Variants in SCHIP1 observed in about 807,000 individuals in gnomAD.
SCHIP1 encodes the protein schwannomin interacting protein 1.
A neutral mutation model predicts 29.7 loss-of-function variants in SCHIP1; 8 were observed. The observed-to-expected ratio is 0.27, with a 90% CI of 0.16 to 0.49. The LOEUF is 0.49. Ranked by LOEUF, SCHIP1 falls within the 20% of genes least tolerant of loss-of-function variation. The pLI is 0.99. For synonymous variants in SCHIP1, 76 were observed against 94.9 expected (o/e 0.80, Z 1.16); for missense variants, 193 against 294.6 (o/e 0.66, Z 2.52).
chr3:159,693,754 A>G, the SCHIP1 span, among the ~76,000 whole-genome samples: 162 of 152,350 alleles, frequency 1.1e-3, no homozygotes, highest in Middle Eastern at 3.4e-3. Flanking sequence ...GGACTTAAGT[A>G]TGTAGAAAAA....
the SCHIP1 span, among the ~76,000 whole-genome samples, chr3:159,686,965 T>C: frequency 1.3e-5 from 2 of 152,192 alleles, no homozygotes; most frequent in Non-Finnish European, 2.9e-5. Context: ...AGGCATTTAT[T>C]GGCCTCTTTC....
At chr3:159,787,730 C>G in the SCHIP1 span, among the ~76,000 whole-genome samples, 2 of 152,102 alleles carry the variant, frequency 1.3e-5, no homozygotes, top group African/African-American at 2.4e-5. Context: ...TTTTCCTTCT[C>G]TAAGGGAAGG....
chr3:159,892,264 A>T (rs1185874271), intron 6 of SCHIP1, 74 bp downstream of exon 7: 2 of 1,551,392 alleles, frequency 1.3e-6, no homozygotes, highest in Non-Finnish European at 8.8e-7. Flanking sequence ...GGCAAAAACT[A>T]GCTCAAGAGA....
the SCHIP1 span, among the ~76,000 whole-genome samples, chr3:159,638,074 TA>T: frequency 6.6e-6 from 1 of 152,142 alleles, no homozygotes; most frequent in Admixed American, 6.5e-5. Context: ...CCTTAGAAAG[TA>T]AAATAGTCTC....
the SCHIP1 span, among the ~76,000 whole-genome samples, chr3:159,482,126 A>G: frequency 2.6e-5 from 4 of 152,126 alleles, no homozygotes; most frequent in Non-Finnish European, 2.9e-5. Context: ...TTTGCATATC[A>G]CGTATTTCAT....
At chr3:159,671,230 G>A in the SCHIP1 span, among the ~76,000 whole-genome samples, 97 of 152,216 alleles carry the variant, frequency 6.4e-4, 3 homozygotes, top group South Asian at 6.8e-3. Context: ...CCTATTCTAT[G>A]TACACTCAAG....
chr3:159,626,321 A>C, the SCHIP1 span, among the ~76,000 whole-genome samples: 1 of 150,454 alleles, frequency 6.6e-6, no homozygotes, highest in South Asian at 2.1e-4. Flanking sequence ...CCTTAACCAA[A>C]GAACAAAAGA....
At chr3:159,681,540 A>C in the SCHIP1 span, among the ~76,000 whole-genome samples, 25 of 152,296 alleles carry the variant, frequency 1.6e-4, no homozygotes, top group East Asian at 4.4e-3. Context: ...TGTATCCTTA[A>C]GGTTTGTTCC....
chr3:159,319,232 C>T, the SCHIP1 span, among the ~76,000 whole-genome samples: 1 of 152,122 alleles, frequency 6.6e-6, no homozygotes, highest in Admixed American at 6.5e-5. Context: ...CTGTTCTGGA[C>T]CCCACTCACC....
At chr3:159,517,822 A>AT in the SCHIP1 span, among the ~76,000 whole-genome samples, 1 of 152,116 alleles carries the variant, frequency 6.6e-6, no homozygotes, top group Non-Finnish European at 1.5e-5. Flanking sequence ...GGAAACTAAT[A>AT]TTTTTAAAAG....
chr3:159,847,043 C>T (rs1440299263), intron 1 of SCHIP1, among the ~76,000 whole-genome samples: 1 of 152,060 alleles, frequency 6.6e-6, no homozygotes, highest in African/African-American at 2.4e-5. Flanking sequence ...TTTAAAGTAG[C>T]ATTTGGGCCT....
chr3:159,586,764 G>T, the SCHIP1 span, among the ~76,000 whole-genome samples: 4 of 152,072 alleles, frequency 2.6e-5, no homozygotes, highest in African/African-American at 4.8e-5. Flanking sequence ...CCCCATGGCT[G>T]CTGCCCTCTG....
chr3:159,467,623 T>C, the SCHIP1 span, among the ~76,000 whole-genome samples: 1 of 152,074 alleles, frequency 6.6e-6, no homozygotes, highest in African/African-American at 2.4e-5. Flanking sequence ...AAATAGTTAT[T>C]TTGTGTAATT....
intron 1 of SCHIP1, chr3:159,845,456 C>A: frequency 6.6e-6 from 1 of 151,028 alleles, no homozygotes; most frequent in Non-Finnish European, 1.5e-5. Flanking sequence ...TCTTGGCTCA[C>A]TGTAACCTCC....
At chr3:159,446,021 TATA>T in the SCHIP1 span, among the ~76,000 whole-genome samples, 4 of 149,840 alleles carry the variant, frequency 2.7e-5, no homozygotes, top group East Asian at 2.0e-4. Context: ...AAACTTAAAG[TATA>T]ATAATAATAA....
At chr3:159,574,059 C>G in the SCHIP1 span, among the ~76,000 whole-genome samples, 1 of 152,192 alleles carries the variant, frequency 6.6e-6, no homozygotes, top group South Asian at 2.1e-4. Flanking sequence ...TTTGAACATC[C>G]TCCTTTGGCT....
At chr3:159,821,256 G>A in the SCHIP1 span, among the ~76,000 whole-genome samples, 471 of 152,274 alleles carry the variant, frequency 3.1e-3, 3 homozygotes, top group African/African-American at 0.011. Context: ...AAAGGGGAGA[G>A]AGAAATTGTA....
At chr3:159,319,247 G>T in the SCHIP1 span, among the ~76,000 whole-genome samples, 1 of 152,166 alleles carries the variant, frequency 6.6e-6, no homozygotes, top group Non-Finnish European at 1.5e-5. Flanking sequence ...CTCACCATCT[G>T]AATGTGAGCT....
the SCHIP1 span, among the ~76,000 whole-genome samples, chr3:159,493,436 G>A: frequency 2.6e-5 from 4 of 152,084 alleles, no homozygotes; most frequent in East Asian, 3.9e-4. Context: ...AACAAAAAAA[G>A]GCAGGGGTTG....
Sources: gnomAD v4.1 joint callset for allele counts (sites outside exome capture counted in the v4.1 genomes callset) on GRCh38, gnomAD v4.1.1 for gene constraint, MANE v1.5 for transcripts, NCBI Gene and HGNC (gene_info 2026-07-23, HGNC 2026-07-21) for gene names.